Variants in SETD4 observed in about 807,000 individuals in gnomAD.
SETD4 encodes the protein SET domain-containing protein 4.
In SETD4, 46 loss-of-function variants were observed where a neutral mutation model predicts 58.3. That is an observed-to-expected ratio of 0.79 (90% CI 0.62 to 1.01). The LOEUF is 1.01. Among genes scored for constraint, SETD4 ranks in the 50% least tolerant of loss-of-function variants. SETD4 has a pLI of 0.00. For synonymous variants in SETD4, 190 were observed against 202.6 expected (o/e 0.94, Z 0.53); for missense variants, 490 against 523.3 (o/e 0.94, Z 0.62).
chr21:36,041,420 C>T (rs1041775610), intron 8 of SETD4, among the ~76,000 whole-genome samples: 16 of 152,254 alleles, frequency 1.1e-4, no homozygotes, highest in African/African-American at 3.9e-4. Context: ...GGAATCACCT[C>T]GCTACCCACC....
At chr21:36,050,111 G>A (rs2064572402) in intron 4 of SETD4, 1 of 694,746 alleles carries the variant, frequency 1.4e-6, no homozygotes, top group South Asian at 1.7e-5. Context: ...CCTGTGCTCA[G>A]GACTCTTGCA....
At chr21:36,058,714 T>C in intron 2 of SETD4, 102 bp downstream of exon 2, 1 of 1,338,168 alleles carries the variant, frequency 7.5e-7, no homozygotes, top group South Asian at 1.5e-5. Flanking sequence ...CGAGAATCCG[T>C]CTCAGAAAAA....
chr21:36,046,875 T>C (rs540477636), intron 5 of SETD4, among the ~76,000 whole-genome samples: 46 of 152,306 alleles, frequency 3.0e-4, no homozygotes, highest in African/African-American at 9.9e-4. Flanking sequence ...GACAGCATCA[T>C]TGTCTCTACA....
At chr21:36,038,316 A>C in intron 9 of SETD4, 43 bp from the exon 10 acceptor site, 1 of 1,599,278 alleles carries the variant, frequency 6.3e-7, no homozygotes, top group Non-Finnish European at 8.5e-7. Context: ...GCAGGCTCTC[A>C]AAAAACAGAT....
At chr21:36,059,497 G>A (rs1259511215) in intron 1 of SETD4, 1 of 156,838 alleles carries the variant, frequency 6.4e-6, no homozygotes, top group Admixed American at 6.6e-5. Flanking sequence ...AGACCAGCCT[G>A]GCCAACATGG....
intron 4 of SETD4, chr21:36,050,455 C>T: frequency 6.2e-7 from 1 of 1,614,096 alleles, no homozygotes; most frequent in Non-Finnish European, 8.5e-7. Flanking sequence ...AGAGTACCAA[C>T]CCCTTGGGTG....
At chr21:36,039,225 C>A (rs570678007) in intron 9 of SETD4, among the ~76,000 whole-genome samples, 1 of 152,058 alleles carries the variant, frequency 6.6e-6, no homozygotes, top group East Asian at 1.9e-4. Context: ...AAAGAAAGCA[C>A]GATAATCCGC....
chr21:36,050,301 G>C, intron 4 of SETD4: 1 of 1,608,856 alleles, frequency 6.2e-7, no homozygotes. Context: ...GATTTTACGA[G>C]CATTAAAGGC....
chr21:36,041,997 T>C, intron 7 of SETD4, 109 bp from the exon 8 acceptor site: 1 of 585,392 alleles, frequency 1.7e-6, no homozygotes. Context: ...CAGACATGCA[T>C]AAACAGTTCC....
intron 9 of SETD4, among the ~76,000 whole-genome samples, chr21:36,039,934 T>C (rs945990633): frequency 6.6e-6 from 1 of 152,210 alleles, no homozygotes; most frequent in East Asian, 1.9e-4. Context: ...GCCTGCACCA[T>C]CTTCAAGAGG....
chr21:36,057,804 T>A (rs12483417), intron 2 of SETD4, among the ~76,000 whole-genome samples: 1 of 152,046 alleles, frequency 6.6e-6, no homozygotes, highest in Non-Finnish European at 1.5e-5. Flanking sequence ...GGTCCACACG[T>A]AAATTTTTGA....
intron 6 of SETD4, among the ~76,000 whole-genome samples, chr21:36,044,653 A>G (rs1307466894): frequency 2.0e-5 from 3 of 152,238 alleles, no homozygotes; most frequent in African/African-American, 7.2e-5. Flanking sequence ...CTACAAAAGT[A>G]ACAAGCAGAC....
Position 36,043,951 on chromosome 21 carries a change from T to C in SETD4, c.732A>G (p.Lys244=). The C allele has an allele frequency of 1.2e-6, 2 of 1,613,924 alleles. No individual in the cohort carries two copies. The highest frequency in any genetic ancestry group is 2.2e-5 in the South Asian group (2 of 90,982). ...LLNHSPHVQV[K]AAFNEETHSY... is the part of the protein sequence containing the mutation. ...AATGAGTTTCTTCATTAAACGCTGC[T>C]TTTACCTAGAAAGAAAAACTGTTAA... The change falls in exon 7 of 12, where the codon AAA becomes AAG. Residue 244 remains lysine (K), a synonymous_variant. Transcript: ENST00000332131.
In SETD4 at chr21:36,045,537, C is replaced by G. The variant is rs1301894673; in HGVS notation, c.726+45G>C. ...AGCCACAGGTTCTGGGCAGCGGAAG[C>G]CTTCCTATCCAAATAGAATAGCTGC... On this transcript the variant is annotated intron_variant, in intron 6 of 11. Transcript: ENST00000332131. 5 of 1,586,152 alleles carry G rather than the reference C, an allele frequency of 3.2e-6. No individual in the cohort carries two copies. In the Admixed American group the frequency reaches 6.8e-5, roughly 22 times the overall value.
chr21:36,044,811 C>G (rs1347157300), intron 6 of SETD4, among the ~76,000 whole-genome samples: 1 of 152,214 alleles, frequency 6.6e-6, no homozygotes, highest in Admixed American at 6.5e-5. Context: ...GGCCAGGACA[C>G]AGATCCCAGC....
intron 4 of SETD4, among the ~76,000 whole-genome samples, chr21:36,052,245 A>G (rs573232157): frequency 2.2e-3 from 328 of 152,244 alleles, no homozygotes; most frequent in Non-Finnish European, 3.0e-3. Context: ...CAACATTTTT[A>G]AAAAGTAAAA....
intron 2 of SETD4, 145 bp from the exon 3 acceptor site, chr21:36,057,349 T>A (rs1010098185): frequency 2.2e-5 from 17 of 757,754 alleles, no homozygotes; most frequent in Non-Finnish European, 3.6e-5. Flanking sequence ...AAAGTTACAA[T>A]AAAAACACAG....
chr21:36,058,462 C>G (rs2065097678), intron 2 of SETD4, among the ~76,000 whole-genome samples: 1 of 150,096 alleles, frequency 6.7e-6, no homozygotes, highest in Non-Finnish European at 1.5e-5. Context: ...GCCATGATCA[C>G]GCCACTGCAT....
chr21:36,049,292 T>A (rs1010068639), intron 4 of SETD4, among the ~76,000 whole-genome samples: 4 of 152,336 alleles, frequency 2.6e-5, no homozygotes, highest in African/African-American at 9.6e-5. Context: ...CGGTGGCTCA[T>A]GCCTGTCATC....
Sources: allele counts gnomAD v4.1 joint callset (sites outside exome capture counted in the v4.1 genomes callset), GRCh38; gene constraint gnomAD v4.1.1; transcripts MANE v1.5; gene names NCBI Gene and HGNC (gene_info 2026-07-23, HGNC 2026-07-21).